Variants in SHTN1 observed in about 807,000 individuals in gnomAD.
SHTN1 encodes shootin 1.
SHTN1 carries 42 observed loss-of-function variants against 83.1 expected under a neutral mutation model. That is an observed-to-expected ratio of 0.51 (90% CI 0.39 to 0.65). SHTN1 has a LOEUF of 0.65. Among genes scored for constraint, SHTN1 ranks in the 30% least tolerant of loss-of-function variants. The pLI is 0.00. For missense variants in SHTN1, 622 were observed against 737.8 expected (o/e 0.84, Z 1.82); for synonymous variants, 224 against 247.7 (o/e 0.90, Z 0.90).
rs181106810 is a variant in SHTN1 at position 116,888,355 on chromosome 10, G to A, written c.1674-1789C>T. On this transcript the variant is annotated intron_variant, in intron 16 of 16. Coordinates refer to ENST00000355371, the MANE Select transcript of SHTN1 (RefSeq NM_001127211.3). ...TATTTAAAAGCCTGTGATGGGAGAA[G>A]CAGAACAACTATGAGTAATATTAAG... Among the ~76,000 whole-genome samples, 1,338 of 152,302 alleles carry A rather than the reference G, an allele frequency of 8.8e-3. 20 individuals are homozygous for A. Among genetic ancestry groups the A allele is most frequent in the Middle Eastern group, 0.024 (7 of 294 alleles).
At chr10:117,004,251 T>C (rs1851928293) in intron 1 of SHTN1, among the ~76,000 whole-genome samples, 1 of 152,140 alleles carries the variant, frequency 6.6e-6, no homozygotes, top group Non-Finnish European at 1.5e-5. Context: ...ATGATAAGTG[T>C]TTAAATGTGA....
chr10:116,938,881 G>C (rs376832536), intron 9 of SHTN1, among the ~76,000 whole-genome samples: 112 of 152,350 alleles, frequency 7.4e-4, no homozygotes, highest in Non-Finnish European at 1.3e-3. Flanking sequence ...GAGGAATCTA[G>C]AGAGGCAGTC....
intron 15 of SHTN1, among the ~76,000 whole-genome samples, chr10:116,904,233 T>C (rs1375019447): frequency 2.6e-5 from 4 of 152,336 alleles, no homozygotes; most frequent in Non-Finnish European, 4.4e-5. Flanking sequence ...CTCTGTCACC[T>C]GACTCCCAAC....
At chr10:116,964,355 T>A (rs1419432061) in intron 3 of SHTN1, among the ~76,000 whole-genome samples, 1 of 152,168 alleles carries the variant, frequency 6.6e-6, no homozygotes, top group Non-Finnish European at 1.5e-5. Context: ...AAATAACATA[T>A]TCCAAATCAC....
chr10:116,996,291 AG>A (rs1324946298), intron 1 of SHTN1, among the ~76,000 whole-genome samples: 1 of 152,148 alleles, frequency 6.6e-6, no homozygotes, highest in Non-Finnish European at 1.5e-5. Context: ...AAATTCTTTT[AG>A]TTTTTTCTGA....
chr10:116,899,934 A>G (rs1166445974), intron 16 of SHTN1, among the ~76,000 whole-genome samples: 3 of 152,114 alleles, frequency 2.0e-5, no homozygotes, highest in Non-Finnish European at 2.9e-5. Context: ...CAAATGATAC[A>G]AACTGTTAAA....
At chr10:117,053,589 T>C (rs1852779807) in intron 1 of SHTN1, among the ~76,000 whole-genome samples, 1 of 152,224 alleles carries the variant, frequency 6.6e-6, no homozygotes, top group African/African-American at 2.4e-5. Context: ...CTAGGATGAC[T>C]ATTATTTTAA....
intron 9 of SHTN1, among the ~76,000 whole-genome samples, chr10:116,935,485 T>G (rs1170127169): frequency 1.3e-5 from 2 of 152,226 alleles, no homozygotes; most frequent in African/African-American, 4.8e-5. Context: ...TTGTGTATGT[T>G]GAACCAGCCT....
At chr10:116,916,023 T>C (rs1392283671) in intron 12 of SHTN1, among the ~76,000 whole-genome samples, 1 of 152,234 alleles carries the variant, frequency 6.6e-6, no homozygotes. Context: ...CTTTTGTTTA[T>C]GAATCGCATG....
intron 1 of SHTN1, among the ~76,000 whole-genome samples, chr10:116,980,793 GA>G (rs1400002757): frequency 6.6e-6 from 1 of 152,104 alleles, no homozygotes; most frequent in East Asian, 1.9e-4. Context: ...TATGGTGATC[GA>G]AAGGGTTCAG....
At chr10:116,902,003 CTTA>C (rs1177830400) in intron 15 of SHTN1, 46 bp from the exon 16 acceptor site, 1 of 1,477,402 alleles carries the variant, frequency 6.8e-7, no homozygotes, top group Non-Finnish European at 9.1e-7. Flanking sequence ...CTGTATGATG[CTTA>C]TTAATATGGT....
chr10:117,071,543 A>G (rs1400523740), intron 1 of SHTN1, among the ~76,000 whole-genome samples: 1 of 152,200 alleles, frequency 6.6e-6, no homozygotes, highest in East Asian at 1.9e-4. Context: ...CAGAAATGGC[A>G]TTTATTCCTG....
chr10:117,103,592 C>T lies in SHTN1; in HGVS notation c.-189+22715G>A, dbSNP rs1853631193. On this transcript the variant is annotated intron_variant, in intron 1 of 17. Transcript: ENST00000392901. The stretch of plus-strand genomic sequence containing the variant: ...TCGCTCTGTTGCCCAGGCTGGAGTA[C>T]AGTGGCACAATCTCAGCTCACTGCA... Among the ~76,000 whole-genome samples the T allele has an allele frequency of 5.3e-5, 6 of 114,038 alleles. No homozygotes were observed. The Admixed American group carries it at 8.0e-4, about 15-fold the overall frequency. The allele number at this position is 114,038 out of a possible 152,430, so 74.8% of individuals were successfully genotyped here. A position where few individuals can be genotyped will look rare whatever the true frequency, so the allele number is the denominator to read the frequency against.
At chr10:117,070,703 G>A (rs561330335) in intron 1 of SHTN1, among the ~76,000 whole-genome samples, 11 of 150,626 alleles carry the variant, frequency 7.3e-5, no homozygotes, top group African/African-American at 1.7e-4. Context: ...GTGCCACAGC[G>A]GCACCCTGAG....
chr10:117,111,491 A>T (rs1853768035), intron 1 of SHTN1, among the ~76,000 whole-genome samples: 1 of 151,798 alleles, frequency 6.6e-6, no homozygotes, highest in African/African-American at 2.4e-5. Flanking sequence ...ACGGGGTTTC[A>T]CCACGTTGGC....
intron 3 of SHTN1, among the ~76,000 whole-genome samples, chr10:116,966,719 A>G (rs1209355134): frequency 1.3e-5 from 2 of 152,206 alleles, no homozygotes; most frequent in Non-Finnish European, 2.9e-5. Flanking sequence ...AGACCAAAAT[A>G]TTTTATAAAC....
At chr10:117,032,823 A>C (rs1852439465) in intron 2 of SHTN1, among the ~76,000 whole-genome samples, 1 of 152,210 alleles carries the variant, frequency 6.6e-6, no homozygotes, top group Non-Finnish European at 1.5e-5. Context: ...AAAAAAACTG[A>C]ACTAATGTCA....
At chr10:116,958,677 C>CGAAA (rs1850069888) in intron 4 of SHTN1, among the ~76,000 whole-genome samples, 1 of 151,864 alleles carries the variant, frequency 6.6e-6, no homozygotes, top group Non-Finnish European at 1.5e-5. Flanking sequence ...TTCTCTTGCC[C>CGAAA]AAAAACACCT....
chr10:117,109,136 T>C (rs747891151), intron 1 of SHTN1, among the ~76,000 whole-genome samples: 2 of 152,240 alleles, frequency 1.3e-5, no homozygotes, highest in Non-Finnish European at 2.9e-5. Flanking sequence ...TGTAATCATC[T>C]GAACAACCTT....
Sources: allele counts gnomAD v4.1 joint callset (sites outside exome capture counted in the v4.1 genomes callset), GRCh38; gene constraint gnomAD v4.1.1; transcripts MANE v1.5; gene names NCBI Gene and HGNC (gene_info 2026-07-23, HGNC 2026-07-21).